PLPP1: variants seen among roughly 807,000 people sequenced by gnomAD.
PLPP1 encodes lipid phosphate phosphohydrolase 1a.
Under a neutral mutation model 31.2 loss-of-function variants are expected in PLPP1, and 24 were observed. That is an observed-to-expected ratio of 0.77 (90% confidence interval 0.56 to 1.08). The LOEUF is 1.08. PLPP1 is among the 50% of genes least tolerant of loss of function. PLPP1 has a pLI of 0.00. For missense variants in PLPP1, 319 were observed against 342.7 expected (o/e 0.93, Z 0.55); for synonymous variants, 146 against 126.3 (o/e 1.16, Z -1.05).
intron 3 of PLPP1, among the ~76,000 whole-genome samples, chr5:55,456,923 A>G (rs1752025793): frequency 6.6e-6 from 1 of 152,106 alleles, no homozygotes; most frequent in African/African-American, 2.4e-5. Context: ...GCACTTTGGG[A>G]GGCTAAGGTG....
At chr5:55,518,829 T>G (rs564835019) in intron 1 of PLPP1, among the ~76,000 whole-genome samples, 6 of 152,178 alleles carry the variant, frequency 3.9e-5, no homozygotes, top group Non-Finnish European at 7.3e-5. Context: ...TCCTGAGAGA[T>G]AAACAAGGAA....
chr5:55,512,516 G>A (rs867687006), intron 1 of PLPP1, among the ~76,000 whole-genome samples: 1,284 of 7,158 alleles, frequency 0.18, 27 homozygotes, highest in Admixed American at 0.26. Flanking sequence ...GAAAAGAAAA[G>A]AAAGAAAGAA....
At chr5:55,441,329 G>C (rs867444601) in intron 4 of PLPP1, among the ~76,000 whole-genome samples, 1 of 152,222 alleles carries the variant, frequency 6.6e-6, no homozygotes, top group Non-Finnish European at 1.5e-5. Flanking sequence ...TAGATGACAG[G>C]CTCCAGAAGT....
chr5:55,427,784 G>A (rs1490150702), intron 4 of PLPP1, among the ~76,000 whole-genome samples: 1 of 146,718 alleles, frequency 6.8e-6, no homozygotes, highest in African/African-American at 2.5e-5. Flanking sequence ...TTGGGGGGGG[G>A]GATGTGGGAG....
At chr5:55,466,405 A>C (rs1291869527) in intron 3 of PLPP1, among the ~76,000 whole-genome samples, 1 of 152,174 alleles carries the variant, frequency 6.6e-6, no homozygotes. Flanking sequence ...ACTAAATACA[A>C]AAAATTGAAG....
chr5:55,512,093 C>T (rs1396646318), intron 1 of PLPP1, among the ~76,000 whole-genome samples: 1 of 151,554 alleles, frequency 6.6e-6, no homozygotes, highest in Non-Finnish European at 1.5e-5. Context: ...AGCGCCATTG[C>T]ACTCCAGCCT....
chr5:55,424,991 G>A lies in PLPP1; in HGVS notation c.*215C>T, dbSNP rs1801997. On this transcript the variant is annotated 3_prime_UTR_variant, in exon 6 of 6. Transcript: ENST00000307259. Reference sequence around the variant, plus strand: ...TATACAGGTGGGGCACTGTTTTGGTGGAAGGCTTGGAGTTTTTTTAATGAG... The same window carrying A: ...TATACAGGTGGGGCACTGTTTTGGTAGAAGGCTTGGAGTTTTTTTAATGAG... 4.4e-6 allele frequency: 3 copies of A among 689,454 alleles called. No homozygotes were observed. Among genetic ancestry groups the A allele is most frequent in the African/African-American group, 1.8e-5 (1 of 55,560 alleles). The allele number at this position is 689,454 out of a possible 1,614,324, so 42.7% of individuals were successfully genotyped here.
intron 1 of PLPP1, among the ~76,000 whole-genome samples, chr5:55,520,968 T>TCCC (rs1176732196): frequency 2.0e-5 from 3 of 152,152 alleles, no homozygotes; most frequent in African/African-American, 7.2e-5. Context: ...TCCCAGCACT[T>TCCC]TAGGAGGCTG....
intron 1 of PLPP1, among the ~76,000 whole-genome samples, chr5:55,522,920 G>C (rs765696312): frequency 4.3e-4 from 66 of 152,100 alleles, no homozygotes; most frequent in Non-Finnish European, 6.9e-4. Flanking sequence ...GGGTTTCAGC[G>C]TGTTAACCAG....
chr5:55,487,013 A>G (rs1367152986), intron 1 of PLPP1, among the ~76,000 whole-genome samples: 2 of 152,196 alleles, frequency 1.3e-5, no homozygotes, highest in Non-Finnish European at 2.9e-5. Flanking sequence ...AAAGTTTAAT[A>G]AGTTGGTCAC....
chr5:55,424,975 G>T lies in PLPP1; in HGVS notation c.*231C>A. The T allele has an allele frequency of 1.5e-6, 1 of 646,020 alleles. No individual in the cohort carries two copies. The allele number at this position is 646,020 out of a possible 1,614,324, so 40.0% of individuals were successfully genotyped here. On this transcript the variant is annotated 3_prime_UTR_variant, in exon 6 of 6. Coordinates refer to ENST00000307259, the MANE Select transcript of PLPP1 (RefSeq NM_003711.4). ...TTTTTTAATAAAAATGTATACAGGT[G>T]GGGCACTGTTTTGGTGGAAGGCTTG...
At position 55,425,086 on chromosome 5, in the gene PLPP1, T is replaced by C. The variant is rs1225793399; in HGVS notation, c.*120A>G. The C allele has an allele frequency of 5.4e-6, 7 of 1,306,370 alleles. No individual in the cohort carries two copies. Among genetic ancestry groups the C allele is most frequent in the East Asian group, 2.3e-5 (1 of 43,144 alleles). The allele number at this position is 1,306,370 out of a possible 1,614,324, so 80.9% of individuals were successfully genotyped here. ...ACACAAAGTGTGCATCCAAGAGGCA[T>C]AGCAGCAGCAGAAGTCTTTAAAGGC... On this transcript the variant is annotated 3_prime_UTR_variant, in exon 6 of 6. Transcript: ENST00000307259.
chr5:55,430,305 A>C (rs1399481106), intron 4 of PLPP1, among the ~76,000 whole-genome samples: 1 of 152,172 alleles, frequency 6.6e-6, no homozygotes, highest in Non-Finnish European at 1.5e-5. Context: ...TGGACCCTCT[A>C]ACATCAGTGC....
chr5:55,510,770 G>C (rs1164015289), intron 1 of PLPP1, among the ~76,000 whole-genome samples: 1 of 152,132 alleles, frequency 6.6e-6, no homozygotes, highest in African/African-American at 2.4e-5. Flanking sequence ...GTTTACTTCT[G>C]GCTTTCTCCC....
intron 3 of PLPP1, among the ~76,000 whole-genome samples, chr5:55,445,671 A>G (rs185808791): frequency 3.9e-4 from 59 of 151,320 alleles, no homozygotes; most frequent in African/African-American, 1.4e-3. Flanking sequence ...CAGCCTCCCA[A>G]GTAGCAGGGA....
chr5:55,491,077 T>C (rs770033000), intron 1 of PLPP1: 6 of 1,613,976 alleles, frequency 3.7e-6, no homozygotes, highest in African/African-American at 2.7e-5. Flanking sequence ...GAAATGGATA[T>C]ATTTGGCCCA....
intron 3 of PLPP1, among the ~76,000 whole-genome samples, chr5:55,467,315 G>A (rs1416014266): frequency 6.6e-6 from 1 of 152,074 alleles, no homozygotes; most frequent in Non-Finnish European, 1.5e-5. Context: ...TTTAAGTATT[G>A]TCTATGGCTG....
chr5:55,444,096 T>G (rs1394370070), intron 3 of PLPP1, among the ~76,000 whole-genome samples: 1 of 152,110 alleles, frequency 6.6e-6, no homozygotes, highest in South Asian at 2.1e-4. Flanking sequence ...TTTTTTTTTT[T>G]TTTGAGACAG....
At chr5:55,460,796 T>C (rs752537869) in intron 3 of PLPP1, among the ~76,000 whole-genome samples, 4 of 152,138 alleles carry the variant, frequency 2.6e-5, no homozygotes, top group Non-Finnish European at 5.9e-5. Flanking sequence ...CCATAAGCTA[T>C]GACTGGGCCA....
Sources: allele counts gnomAD v4.1 joint callset (sites outside exome capture counted in the v4.1 genomes callset), GRCh38; gene constraint gnomAD v4.1.1; transcripts MANE v1.5; gene names NCBI Gene and HGNC (gene_info 2026-07-23, HGNC 2026-07-21).